The following EFNB2 variants were observed in gnomAD, a reference collection of about 807,000 sequenced individuals.
EFNB2 encodes ephrin B2.
In EFNB2, 5 loss-of-function variants were observed where a neutral mutation model predicts 32.1. That is an observed-to-expected ratio of 0.16 (90% confidence interval 0.08 to 0.33). The LOEUF is 0.33. Ranked by LOEUF, EFNB2 falls within the 10% of genes least tolerant of loss-of-function variation. EFNB2 has a pLI of 1.00. For synonymous variants in EFNB2, 168 were observed against 166.5 expected, an observed-to-expected ratio of 1.01 and a Z score of -0.07; for missense variants, 263 against 422.6, an observed-to-expected ratio of 0.62 and a Z score of 3.31.
rs1879179224 is a variant in EFNB2 at position 106,512,596 on chromosome 13, C to T, written c.339G>A (p.Lys113=). 6.2e-7 allele frequency: 1 copy of T among 1,613,738 alleles called. No individual in the cohort carries two copies. The highest frequency in any genetic ancestry group is 2.2e-5 in the East Asian group (1 of 44,844). Residue 113 remains lysine, a synonymous_variant, in exon 2 of 5, where the codon AAG becomes AAA. Coordinates refer to ENST00000646441, the MANE Select transcript of EFNB2 (RefSeq NM_004093.4). The part of the protein sequence containing the change: ...KPDQDIKFTI[K]FQEFSPNLWG... ...AGAGGTTAGGGCTGAATTCTTGAAACTTGATGGTGAATTTGATATCTTGGT... is the reference window on the plus strand; with the variant it reads ...AGAGGTTAGGGCTGAATTCTTGAAATTTGATGGTGAATTTGATATCTTGGT...
chr13:106,501,645 T>A (rs1431608534), intron 2 of EFNB2, among the ~76,000 whole-genome samples: 1 of 150,824 alleles, frequency 6.6e-6, no homozygotes, highest in Non-Finnish European at 1.5e-5. Context: ...CAGGCTGGAG[T>A]GCAGTGGTGT....
rs1289749922 is a variant in EFNB2, at chr13:106,535,488, G to A, written c.-524C>T. 6.0e-5 allele frequency: 9 copies of A among 149,924 alleles called. No individual in the cohort carries two copies. The highest frequency in any genetic ancestry group is 1.2e-4 in the Non-Finnish European group (8 of 67,232). The allele number at this position is 149,924 out of a possible 1,614,324, so 9.3% of individuals were successfully genotyped here. Reference sequence around the variant, plus strand: ...GAGTAGGGCGCCTCCGGGCGCGCAGGAGCCTTCTCAGTCCGCGCGGCTCCC... The same window carrying A: ...GAGTAGGGCGCCTCCGGGCGCGCAGAAGCCTTCTCAGTCCGCGCGGCTCCC... On this transcript the variant is annotated 5_prime_UTR_variant, in exon 1 of 5. Coordinates refer to ENST00000646441, the MANE Select transcript of EFNB2 (RefSeq NM_004093.4).
intron 1 of EFNB2, among the ~76,000 whole-genome samples, chr13:106,529,604 G>A (rs1222548406): frequency 6.6e-6 from 1 of 152,196 alleles, no homozygotes; most frequent in Non-Finnish European, 1.5e-5. Flanking sequence ...ACAGCCTGGA[G>A]GCAAGGGCCT....
rs899271418 is a variant in EFNB2 at position 106,491,734 on chromosome 13, A to G, written c.*1306T>C. 3.9e-5 allele frequency: 6 copies of G among 152,628 alleles called. No individual in the cohort carries two copies. Among genetic ancestry groups the G allele is most frequent in the African/African-American group, 1.4e-4 (6 of 41,404 alleles). 9.5% of individuals were successfully genotyped at this position (152,628 alleles called of 1,614,324 possible). On this transcript the variant is annotated 3_prime_UTR_variant, in exon 5 of 5. Coordinates refer to ENST00000646441, the MANE Select transcript of EFNB2 (RefSeq NM_004093.4). Reference sequence around the variant, plus strand: ...AGGCTCAATCGGGAGGGGAAGGAGGAACCTGGGGGGAGGGGGATCTGACCT... The same window carrying G: ...AGGCTCAATCGGGAGGGGAAGGAGGGACCTGGGGGGAGGGGGATCTGACCT...
intron 1 of EFNB2, chr13:106,517,780 GA>G (rs1300628529): frequency 1.3e-5 from 2 of 152,182 alleles, no homozygotes; most frequent in Non-Finnish European, 2.9e-5. Context: ...GAAAAAACTG[GA>G]AACACTCAAG....
At chr13:106,495,602 C>G in intron 3 of EFNB2, 146 bp downstream of exon 3, 1 of 726,780 alleles carries the variant, frequency 1.4e-6, no homozygotes, top group Non-Finnish European at 2.3e-6. Flanking sequence ...TTGAGGAAAT[C>G]TGTCAGTGGC....
chr13:106,532,069 AAAAAAAAACC>A lies in EFNB2; in HGVS notation c.122+2764_122+2773del, dbSNP rs201421056. Among the ~76,000 whole-genome samples, 439 of 78,264 alleles carry A rather than the reference AAAAAAAAACC, an allele frequency of 5.6e-3. 3 individuals are homozygous for A. The East Asian group carries it at 0.1, about 18-fold the overall frequency. 51.3% of individuals were successfully genotyped at this position (78,264 alleles called of 152,430 possible). On this transcript the variant is annotated intron_variant, in intron 1 of 4. Transcript: ENST00000646441. The stretch of plus-strand genomic sequence containing the variant: ...TCTCTGCTGAATTAAAAAAAAAACA[AAAAAAAAACC>A]AAAACTTTAAACAACCAAAATGGCT...
In EFNB2 at chr13:106,493,065, G is replaced by C. The variant is rs761345466; in HGVS notation, c.977C>G (p.Pro326Arg). The change falls in exon 5 of 5, where the codon CCG becomes CGG. Residue 326 changes from proline (P) to arginine (R), a missense_variant. Pro to Arg is a moderately radical substitution (Grantham distance 103, BLOSUM62 -2). Around this residue, in one of 3 missense-constraint regions of EFNB2, gnomAD observed 172 missense variants for 237.1 expected, o/e 0.73. Coordinates refer to ENST00000646441, the MANE Select transcript of EFNB2 (RefSeq NM_004093.4). The surrounding 1 kb of genome is among the most constrained non-coding windows in gnomAD (Gnocchi z 6.1). ...YIVQEMPPQS[P>R]ANIYYKV ...TCAGACCTTGTAGTAAATGTTCGCC[G>C]GGCTCTGCGGGGGCATCTCCTGGAC... The C allele has an allele frequency of 6.2e-7, 1 of 1,612,056 alleles. No individual in the cohort carries two copies. Among genetic ancestry groups the C allele is most frequent in the East Asian group, 2.2e-5 (1 of 44,786 alleles).
At chr13:106,500,359 C>T (rs1368531765) in intron 2 of EFNB2, among the ~76,000 whole-genome samples, 2 of 152,090 alleles carry the variant, frequency 1.3e-5, no homozygotes, top group African/African-American at 4.8e-5. Flanking sequence ...AACGGGGAAG[C>T]ACAAAAAAAT....
Position 106,534,135 on chromosome 13 carries a change from G to A in EFNB2, c.122+708C>T, listed in dbSNP as rs189883901. Among the ~76,000 whole-genome samples, 309 of 152,330 alleles carry A rather than the reference G, an allele frequency of 2.0e-3. 2 individuals carry two copies. Among genetic ancestry groups the A allele is most frequent in the African/African-American group, 7.0e-3 (293 of 41,586 alleles). On this transcript the variant is annotated intron_variant, in intron 1 of 4. Transcript: ENST00000646441. ...TACAATCAGGTCGGCCATCGAGACC[G>A]CATACTCCGGGGCTACCGGCTTATG...
At chr13:106,510,784 C>T (rs1200405535) in intron 2 of EFNB2, among the ~76,000 whole-genome samples, 5 of 152,114 alleles carry the variant, frequency 3.3e-5, no homozygotes, top group South Asian at 2.1e-4. Context: ...GAGGCCAAGG[C>T]GGAAGGATCA....
At chr13:106,512,165 T>C (rs1879158512) in intron 2 of EFNB2, among the ~76,000 whole-genome samples, 1 of 152,032 alleles carries the variant, frequency 6.6e-6, no homozygotes, top group Admixed American at 6.6e-5. Flanking sequence ...AATGAATGGA[T>C]GGATGGGTGA....
rs1033148425 is a variant in EFNB2 at position 106,534,759 on chromosome 13, C to T, written c.122+84G>A. The T allele has an allele frequency of 2.7e-6, 4 of 1,462,428 alleles. No homozygotes were observed. In the South Asian group the frequency reaches 5.3e-5, roughly 19 times the overall value. The allele number at this position is 1,462,428 out of a possible 1,614,324, so 90.6% of individuals were successfully genotyped here. On this transcript the variant is annotated intron_variant, in intron 1 of 4. Coordinates refer to ENST00000646441, the MANE Select transcript of EFNB2 (RefSeq NM_004093.4). ...GAGGTTCCAGAAACAGGCTCCGAGG[C>T]CCCGCGGACTGACCCCTCCTCCCGC... is the stretch of plus-strand genomic sequence containing the variant.
In EFNB2 at chr13:106,494,979, CCAG is replaced by C. The variant is rs1878540067; in HGVS notation, c.512_514del (p.Ala171del). 6.2e-7 allele frequency: 1 copy of C among 1,614,066 alleles called. No homozygotes were observed. The highest frequency in any genetic ancestry group is 8.5e-7 in the Non-Finnish European group (1 of 1,179,934). ...TGTTGGATCTTTATTCCTGGTTGATCCAGCAGAACTTGCATCTATATGAAAAAC... is the reference window on the plus strand; with the variant it reads ...TGTTGGATCTTTATTCCTGGTTGATCCAGAACTTGCATCTATATGAAAAAC... On this transcript the variant is annotated inframe_deletion, in exon 4 of 5. Coordinates refer to ENST00000646441, the MANE Select transcript of EFNB2 (RefSeq NM_004093.4).
In EFNB2 at chr13:106,493,193, G is replaced by C. The variant is rs188174925; in HGVS notation, c.849C>G (p.Gly283=). 1.2e-4 allele frequency: 191 copies of C among 1,614,234 alleles called. 2 individuals are homozygous for C. The East Asian group carries it at 4.1e-3, about 35-fold the overall frequency. ...ATPKRSGNNN[G]SEPSDIIIPL... The stretch of plus-strand genomic sequence containing the variant: ...GGATGATAATGTCACTGGGCTCTGA[G>C]CCGTTGTTGTTGCCGCTGCGCTTGG... The change falls in exon 5 of 5, where the codon GGC becomes GGG. Residue 283 remains glycine, a synonymous_variant. Coordinates refer to ENST00000646441, the MANE Select transcript of EFNB2 (RefSeq NM_004093.4). This position sits in a 1 kb window ranked among gnomAD's most constrained non-coding sequence, Gnocchi z 6.1.
intron 1 of EFNB2, among the ~76,000 whole-genome samples, chr13:106,526,937 T>C (rs569431846): frequency 1.3e-5 from 2 of 152,296 alleles, no homozygotes; most frequent in African/African-American, 4.8e-5. Context: ...CCGCAGGGAA[T>C]GTGGATTGGG....
At chr13:106,525,544 C>A (rs1438286406) in intron 1 of EFNB2, among the ~76,000 whole-genome samples, 1 of 152,228 alleles carries the variant, frequency 6.6e-6, no homozygotes, top group Non-Finnish European at 1.5e-5. Flanking sequence ...CTGCCCTTGG[C>A]TGAAATACTG....
At chr13:106,530,835 A>G (rs1330551675) in intron 1 of EFNB2, among the ~76,000 whole-genome samples, 1 of 152,214 alleles carries the variant, frequency 6.6e-6, no homozygotes, top group Admixed American at 6.5e-5. Context: ...TAGTTGCTCC[A>G]GTTGCAATGT....
At chr13:106,531,103 G>A (rs1200255289) in intron 1 of EFNB2, among the ~76,000 whole-genome samples, 2 of 152,180 alleles carry the variant, frequency 1.3e-5, no homozygotes, top group Non-Finnish European at 2.9e-5. Flanking sequence ...CAGAACCAGC[G>A]TCAACAGCTT....
Sources: gnomAD v4.1 joint callset for allele counts (sites outside exome capture counted in the v4.1 genomes callset) on GRCh38, gnomAD v4.1.1 for gene constraint, gnomAD v4.1.1 regional missense constraint, Gnocchi (gnomAD v3.1) non-coding constraint, MANE v1.5 for transcripts, NCBI Gene and HGNC (gene_info 2026-07-23, HGNC 2026-07-21) for gene names.